The following ILRUN variants were observed in gnomAD, a reference collection of about 807,000 sequenced individuals.
ILRUN encodes the protein protein ILRUN.
In ILRUN, 3 loss-of-function variants were observed where a neutral mutation model predicts 33.8. The ratio of observed to expected loss-of-function variants is 0.09; its 90% confidence interval spans 0.04 to 0.23. ILRUN has a LOEUF of 0.23. ILRUN is among the 10% of genes least tolerant of loss of function. The pLI, the probability that ILRUN is intolerant of heterozygous loss-of-function variation, is 1.00. For synonymous variants in ILRUN, 124 were observed against 138.9 expected (o/e 0.89, Z 0.75); for missense variants, 210 against 375.1 (o/e 0.56, Z 3.64).
intron 3 of ILRUN, among the ~76,000 whole-genome samples, chr6:34,625,472 G>A (rs1055901320): frequency 5.3e-5 from 8 of 152,152 alleles, no homozygotes; most frequent in Non-Finnish European, 1.2e-4. Flanking sequence ...GATGTGCAGA[G>A]TAGACACATG....
chr6:34,590,525 C>G lies in ILRUN; in HGVS notation c.*40G>C. 6.2e-7 allele frequency: 1 copy of G among 1,613,614 alleles called. No homozygotes were observed. The highest frequency in any genetic ancestry group is 2.2e-5 in the East Asian group (1 of 44,868). ...TTGCCCTAACCCCCCAAAGTCAGGC[C>G]TTCTGTCTTTTGTTAATTTTTCTTC... is the stretch of plus-strand genomic sequence containing the variant. On this transcript the variant is annotated 3_prime_UTR_variant, in exon 5 of 5. Transcript: ENST00000374023.
At chr6:34,602,937 C>T (rs1041733919) in intron 4 of ILRUN, among the ~76,000 whole-genome samples, 6 of 152,326 alleles carry the variant, frequency 3.9e-5, no homozygotes, top group Admixed American at 2.0e-4. Context: ...CTGGCACTGA[C>T]AGATGTGCCA....
intron 3 of ILRUN, among the ~76,000 whole-genome samples, chr6:34,613,764 G>T (rs1017508152): frequency 4.6e-5 from 7 of 152,208 alleles, no homozygotes; most frequent in African/African-American, 1.7e-4. Flanking sequence ...ATATACAAAA[G>T]TTGGTGTGCA....
At chr6:34,632,729 T>C (rs959708233) in intron 3 of ILRUN, among the ~76,000 whole-genome samples, 4 of 151,674 alleles carry the variant, frequency 2.6e-5, no homozygotes, top group Admixed American at 2.0e-4. Context: ...TTCACCATGT[T>C]AGCCAGGATG....
At position 34,588,495 on chromosome 6, in the gene ILRUN, G is replaced by A; in HGVS notation, c.*2070C>T. 3.0e-6 allele frequency: 1 copy of A among 335,836 alleles called. No homozygotes were observed. 20.8% of individuals were successfully genotyped at this position (335,836 alleles called of 1,614,324 possible). A position where few individuals can be genotyped will look rare whatever the true frequency, so the allele number is the denominator to read the frequency against. ...GCAGTAAGAACAGCTGGGCATGCAT[G>A]GGCTCCAGGGAGGCAGTGTCTCAGG... On this transcript the variant is annotated 3_prime_UTR_variant, in exon 5 of 5. Transcript: ENST00000374023.
intron 1 of ILRUN, among the ~76,000 whole-genome samples, chr6:34,683,079 C>T (rs1763404533): frequency 6.6e-6 from 1 of 151,090 alleles, no homozygotes; most frequent in Non-Finnish European, 1.5e-5. Flanking sequence ...AAAAACAGGA[C>T]GTTGCCTATA....
At chr6:34,640,089 A>G (rs548757102) in intron 3 of ILRUN, among the ~76,000 whole-genome samples, 1 of 152,202 alleles carries the variant, frequency 6.6e-6, no homozygotes, top group Non-Finnish European at 1.5e-5. Context: ...CTTGAAAATA[A>G]ATCTGTCAAA....
intron 3 of ILRUN, among the ~76,000 whole-genome samples, chr6:34,640,324 A>G (rs1022804729): frequency 1.3e-5 from 2 of 152,048 alleles, no homozygotes; most frequent in African/African-American, 4.8e-5. Context: ...AGGGTGGAGG[A>G]GACCTTTTAC....
chr6:34,682,480 G>C (rs1263494006), intron 1 of ILRUN, among the ~76,000 whole-genome samples: 1 of 150,988 alleles, frequency 6.6e-6, no homozygotes, highest in Non-Finnish European at 1.5e-5. Flanking sequence ...GGACGGTCTC[G>C]ATCTCCTGAC....
At chr6:34,656,936 C>G (rs1204412394) in intron 1 of ILRUN, among the ~76,000 whole-genome samples, 1 of 152,194 alleles carries the variant, frequency 6.6e-6, no homozygotes, top group Non-Finnish European at 1.5e-5. Flanking sequence ...CTATTCAATA[C>G]AAAGCTTGAA....
At chr6:34,659,547 G>T (rs888655424) in intron 1 of ILRUN, among the ~76,000 whole-genome samples, 8 of 148,356 alleles carry the variant, frequency 5.4e-5, no homozygotes, top group African/African-American at 2.0e-4. Context: ...ATTCTTTAAA[G>T]AATTGATCTT....
intron 1 of ILRUN, among the ~76,000 whole-genome samples, chr6:34,677,819 C>A (rs1299374592): frequency 2.0e-5 from 3 of 151,738 alleles, no homozygotes; most frequent in Non-Finnish European, 2.9e-5. Context: ...TGTGGTGGCA[C>A]GTGCCTTTAA....
Position 34,588,143 on chromosome 6 carries a change from G to T in ILRUN, c.*2422C>A. 1 of 398,972 alleles carries T rather than the reference G, an allele frequency of 2.5e-6. No individual in the cohort carries two copies. Among genetic ancestry groups the T allele is most frequent in the Non-Finnish European group, 4.4e-6 (1 of 226,336 alleles). 24.7% of individuals were successfully genotyped at this position (398,972 alleles called of 1,614,324 possible). ...GGGGAAGCCATGGACCCCTCTGCCTGCACTCCATGACTTGCACTTACTCTG... is the reference window on the plus strand; with the variant it reads ...GGGGAAGCCATGGACCCCTCTGCCTTCACTCCATGACTTGCACTTACTCTG... On this transcript the variant is annotated 3_prime_UTR_variant, in exon 5 of 5. Transcript: ENST00000374023.
intron 1 of ILRUN, among the ~76,000 whole-genome samples, chr6:34,660,163 C>T (rs1360326995): frequency 6.6e-6 from 1 of 151,004 alleles, no homozygotes; most frequent in Non-Finnish European, 1.5e-5. Flanking sequence ...ATCAGCCAGG[C>T]ATGGTGGCAT....
chr6:34,617,091 G>A (rs1450960873), intron 3 of ILRUN: 5 of 533,910 alleles, frequency 9.4e-6, no homozygotes, highest in Admixed American at 1.9e-5. Flanking sequence ...CTGATCATGA[G>A]ATCTATACTG....
chr6:34,599,852 A>G (rs926592882), intron 4 of ILRUN, among the ~76,000 whole-genome samples: 1 of 152,148 alleles, frequency 6.6e-6, no homozygotes, highest in African/African-American at 2.4e-5. Flanking sequence ...TCCCCTATCC[A>G]TTGATGGTAG....
At chr6:34,654,967 G>T (rs1456946611) in intron 1 of ILRUN, among the ~76,000 whole-genome samples, 188 bp from the exon 2 acceptor site, 1 of 152,074 alleles carries the variant, frequency 6.6e-6, no homozygotes, top group African/African-American at 2.4e-5. Flanking sequence ...ACAAATTTGT[G>T]TATCACTTTC....
At position 34,646,085 on chromosome 6, in the gene ILRUN, G is replaced by A. The variant is rs1762558369; in HGVS notation, c.511+516C>T. Among the ~76,000 whole-genome samples the A allele has an allele frequency of 6.6e-6, 1 of 152,198 alleles. No homozygotes were observed. The highest frequency in any genetic ancestry group is 6.5e-5 in the Admixed American group (1 of 15,274). On this transcript the variant is annotated intron_variant, in intron 3 of 4. Transcript: ENST00000374023. This position sits in a 1 kb window ranked among gnomAD's most constrained non-coding sequence, Gnocchi z 4.9. ...TCCCTGATTAACTTTCATTGGAGTG[G>A]GGAGTGGATAAAGGATAAATTGGGT...
chr6:34,622,327 A>C (rs904885198), intron 3 of ILRUN, among the ~76,000 whole-genome samples: 1 of 152,208 alleles, frequency 6.6e-6, no homozygotes, highest in African/African-American at 2.4e-5. Flanking sequence ...ATATGTCATA[A>C]GGGGTTAATA....
Sources: allele counts gnomAD v4.1 joint callset (sites outside exome capture counted in the v4.1 genomes callset), GRCh38; gene constraint gnomAD v4.1.1; non-coding constraint Gnocchi (gnomAD v3.1); transcripts MANE v1.5; gene names NCBI Gene and HGNC (gene_info 2026-07-23, HGNC 2026-07-21).